Variants in RNH1 observed in about 807,000 individuals in gnomAD.
RNH1 encodes the protein ribonuclease/angiogenin inhibitor 1, also known as ribonuclease inhibitor.
In RNH1, 38 loss-of-function variants were observed where a neutral mutation model predicts 46.1. The ratio of observed to expected loss-of-function variants is 0.82; its 90% confidence interval spans 0.64 to 1.08. RNH1 has a LOEUF of 1.08. Among genes scored for constraint, RNH1 ranks in the 50% least tolerant of loss-of-function variants. RNH1 has a pLI of 0.00. For synonymous variants in RNH1, 319 were observed against 279.1 expected, an observed-to-expected ratio of 1.14 and a Z score of -1.43; for missense variants, 577 against 590.7, an observed-to-expected ratio of 0.98 and a Z score of 0.24.
chr11:500,897 G>A, intron 3 of RNH1: 4 of 606,034 alleles, frequency 6.6e-6, no homozygotes, highest in Non-Finnish European at 6.1e-6. Context: ...GGGAGGCCGA[G>A]GCAGGCAGAT....
chr11:495,989 TAAAAC>T (rs968420264), intron 9 of RNH1, among the ~76,000 whole-genome samples: 9 of 151,274 alleles, frequency 5.9e-5, no homozygotes, highest in African/African-American at 1.7e-4. Flanking sequence ...CTCCCAAAAA[TAAAAC>T]AAAACATCGA....
intron 1 of RNH1, chr11:505,209 T>C (rs2133931828): frequency 6.6e-6 from 1 of 152,318 alleles, no homozygotes; most frequent in Middle Eastern, 3.4e-3. Flanking sequence ...CGATTCAGAA[T>C]AAATCCCTTC....
Position 494,671 on chromosome 11 carries a change from GAGC to G in RNH1, c.*17_*19del. ...TGCCTCGAGGCCGGTCGTCCAGGGA[GAGC>G]AGCAGCAGGAAGAGCCTCAGGAGAT... is the stretch of plus-strand genomic sequence containing the variant. On this transcript the variant is annotated 3_prime_UTR_variant, in exon 11 of 11. Transcript: ENST00000354420. The G allele has an allele frequency of 6.2e-7, 1 of 1,611,794 alleles. No individual in the cohort carries two copies. The highest frequency in any genetic ancestry group is 8.5e-7 in the Non-Finnish European group (1 of 1,178,474).
Position 501,749 on chromosome 11 carries a change from G to C in RNH1, c.101+313C>G. ...ATGGAGGCTCACGGAGGGGACCCAA[G>C]CTGTGTCCTGCCCTCGTGTCTCCAA... On this transcript the variant is annotated intron_variant, in intron 3 of 10. Coordinates refer to ENST00000354420, the MANE Select transcript of RNH1 (RefSeq NM_203387.3). This position sits in a 1 kb window ranked among gnomAD's most constrained non-coding sequence, Gnocchi z 4.1. The C allele has an allele frequency of 2.6e-6, 1 of 384,548 alleles. No homozygotes were observed. Among genetic ancestry groups the C allele is most frequent in the Non-Finnish European group, 4.8e-6 (1 of 206,824 alleles). The allele number at this position is 384,548 out of a possible 1,614,324, so 23.8% of individuals were successfully genotyped here. A position where few individuals can be genotyped will look rare whatever the true frequency, so the allele number is the denominator to read the frequency against.
intron 9 of RNH1, among the ~76,000 whole-genome samples, chr11:497,178 C>A (rs1356148828): frequency 6.8e-6 from 1 of 147,736 alleles, no homozygotes; most frequent in African/African-American, 2.5e-5. Flanking sequence ...TGTGCTCACA[C>A]ACGGACACTC....
rs1848870762 is a variant in RNH1 at position 494,633 on chromosome 11, T to C, written c.*58A>G. 6.8e-7 allele frequency: 1 copy of C among 1,478,658 alleles called. No individual in the cohort carries two copies. Among genetic ancestry groups the C allele is most frequent in the African/African-American group, 1.4e-5 (1 of 72,014 alleles). The allele number at this position is 1,478,658 out of a possible 1,614,324, so 91.6% of individuals were successfully genotyped here. ...AGGGTGAGAGCATGGCAGGGGCTGG[T>C]GGGCCCCAGGGTTGCCTCGAGGCCG... On this transcript the variant is annotated 3_prime_UTR_variant, in exon 11 of 11. Transcript: ENST00000354420.
In RNH1 at chr11:499,122, C is replaced by T; in HGVS notation, c.507G>A (p.Lys169=). ...TAACCGTGAGCTCCTTGAAGTCCGG[C>T]TTGGCCCTGAGCACGGAGGCCAGGG... ...CEPLASVLRA[K]PDFKELTVSN... Residue 169 remains lysine (K), a synonymous_variant, in exon 6 of 11, where the codon AAG becomes AAA. Transcript: ENST00000354420. The T allele has an allele frequency of 1.9e-6, 3 of 1,613,448 alleles. No homozygotes were observed. The highest frequency in any genetic ancestry group is 2.5e-6 in the Non-Finnish European group (3 of 1,179,958).
In RNH1 at chr11:501,871, G is replaced by A; in HGVS notation, c.101+191C>T. On this transcript the variant is annotated intron_variant, in intron 3 of 10. Coordinates refer to ENST00000354420, the MANE Select transcript of RNH1 (RefSeq NM_203387.3). This position sits in a 1 kb window ranked among gnomAD's most constrained non-coding sequence, Gnocchi z 4.1. ...CCTCAGCCCATGCTGCATGAGCCTG[G>A]AATGGGTTTTACATTCCTAAATTGT... The A allele has an allele frequency of 1.7e-6, 1 of 597,676 alleles. No homozygotes were observed. Among genetic ancestry groups the A allele is most frequent in the Non-Finnish European group, 3.0e-6 (1 of 333,868 alleles). The allele number at this position is 597,676 out of a possible 1,614,324, so 37.0% of individuals were successfully genotyped here. A position where few individuals can be genotyped will look rare whatever the true frequency, so the allele number is the denominator to read the frequency against.
rs1178585392 is a variant in RNH1, at chr11:502,141, G to C, written c.22C>G (p.Leu8Val). The change falls in exon 3 of 11, where the codon CTG becomes GTG. Residue 8 changes from leucine (L) to valine (V), a missense_variant. Coordinates refer to ENST00000354420, the MANE Select transcript of RNH1 (RefSeq NM_203387.3). The surrounding 1 kb of genome is among the most constrained non-coding windows in gnomAD (Gnocchi z 5.8). ...CTCAGCTCCTCACACTGGATGTCCA[G>C]GCTCTGGATGTCCAGGCTCATGGTG... MSLDIQS[L>V]DIQCEELSDA... 1 of 1,251,580 alleles carries C rather than the reference G, an allele frequency of 8.0e-7. No individual in the cohort carries two copies. The highest frequency in any genetic ancestry group is 1.1e-6 in the Non-Finnish European group (1 of 884,248). 77.5% of individuals were successfully genotyped at this position (1,251,580 alleles called of 1,614,324 possible).
chr11:505,546 T>A (rs918138167), intron 1 of RNH1: 1 of 152,148 alleles, frequency 6.6e-6, no homozygotes, highest in Non-Finnish European at 1.5e-5. Flanking sequence ...GATTTTAACC[T>A]CCTAAAACTC....
In RNH1 at chr11:504,896, G is replaced by C. The variant is rs1329095000; in HGVS notation, c.-160C>G. ...GACGATGATTTGTTGTAGCTGAGGC[G>C]AACGGGGCGAGGCTGTGAGGACGGG... On this transcript the variant is annotated 5_prime_UTR_variant, in exon 2 of 11. Coordinates refer to ENST00000354420, the MANE Select transcript of RNH1 (RefSeq NM_203387.3). 1 of 152,236 alleles carries C rather than the reference G, an allele frequency of 6.6e-6. No homozygotes were observed. Among genetic ancestry groups the C allele is most frequent in the Non-Finnish European group, 1.5e-5 (1 of 68,042 alleles). 9.4% of individuals were successfully genotyped at this position (152,236 alleles called of 1,614,324 possible).
At position 494,556 on chromosome 11, in the gene RNH1, T is replaced by C. The variant is rs370693201; in HGVS notation, c.*135A>G. 5 of 784,262 alleles carry C rather than the reference T, an allele frequency of 6.4e-6. No homozygotes were observed. The South Asian group carries it at 7.6e-5, about 12-fold the overall frequency. The allele number at this position is 784,262 out of a possible 1,614,324, so 48.6% of individuals were successfully genotyped here. On this transcript the variant is annotated 3_prime_UTR_variant, in exon 11 of 11. Coordinates refer to ENST00000354420, the MANE Select transcript of RNH1 (RefSeq NM_203387.3). ...TAATGATTATAAAGTGTCCAAAATA[T>C]ACTGGCAGAAATAAGCGGATCTGAG...
chr11:502,381 AC>A lies in RNH1; in HGVS notation c.-87-133del. On this transcript the variant is annotated intron_variant, in intron 2 of 10. Coordinates refer to ENST00000354420, the MANE Select transcript of RNH1 (RefSeq NM_203387.3). The surrounding 1 kb of genome is among the most constrained non-coding windows in gnomAD (Gnocchi z 5.8). ...ATCAGGGGTGGGGCAGGGGGCAGGG[AC>A]CAGCACCCACCCCCAGAAAGGCCAC... The A allele has an allele frequency of 1.7e-6, 1 of 585,734 alleles. No individual in the cohort carries two copies. The highest frequency in any genetic ancestry group is 3.1e-6 in the Non-Finnish European group (1 of 327,096). The allele number at this position is 585,734 out of a possible 1,614,324, so 36.3% of individuals were successfully genotyped here.
chr11:498,725 C>A, intron 7 of RNH1, 38 bp downstream of exon 7: 1 of 1,589,744 alleles, frequency 6.3e-7, no homozygotes, highest in Non-Finnish European at 8.5e-7. Context: ...GCCCGCCGCC[C>A]GACCCTCCGG....
At chr11:499,263 C>A in intron 5 of RNH1, 78 bp from the exon 6 acceptor site, 1 of 1,506,300 alleles carries the variant, frequency 6.6e-7, no homozygotes, top group East Asian at 2.3e-5. Context: ...ACGGGGTGTG[C>A]TGGTGTCTCA....
chr11:497,312 C>T (rs910961147), intron 9 of RNH1, among the ~76,000 whole-genome samples: 44 of 150,716 alleles, frequency 2.9e-4, no homozygotes, highest in African/African-American at 9.1e-4. Context: ...CATGTGCTCA[C>T]ACACGGACCC....
chr11:498,657 C>T (rs763045342), intron 7 of RNH1, 30 bp from the exon 8 acceptor site: 7 of 1,609,298 alleles, frequency 4.3e-6, no homozygotes, highest in Non-Finnish European at 5.1e-6. Context: ...ACAGACTTTC[C>T]TCAGCACCGT....
chr11:494,589 C>T lies in RNH1; in HGVS notation c.*102G>A, dbSNP rs556808810. 2.0e-5 allele frequency: 20 copies of T among 1,009,878 alleles called. No individual in the cohort carries two copies. Among genetic ancestry groups the T allele is most frequent in the Admixed American group, 1.7e-4 (8 of 47,058 alleles). 62.6% of individuals were successfully genotyped at this position (1,009,878 alleles called of 1,614,324 possible). A position where few individuals can be genotyped will look rare whatever the true frequency, so the allele number is the denominator to read the frequency against. On this transcript the variant is annotated 3_prime_UTR_variant, in exon 11 of 11. Coordinates refer to ENST00000354420, the MANE Select transcript of RNH1 (RefSeq NM_203387.3). ...GAAATAAGCGGATCTGAGCGTTTCT[C>T]TTCAAACCTAGGATATGCAGGGTGA...
In RNH1 at chr11:501,241, G is replaced by T; in HGVS notation, c.102-587C>A. 5.0e-6 allele frequency: 1 copy of T among 198,442 alleles called. No homozygotes were observed. Among genetic ancestry groups the T allele is most frequent in the South Asian group, 7.9e-5 (1 of 12,672 alleles). The allele number at this position is 198,442 out of a possible 1,614,324, so 12.3% of individuals were successfully genotyped here. A position where few individuals can be genotyped will look rare whatever the true frequency, so the allele number is the denominator to read the frequency against. The stretch of plus-strand genomic sequence containing the variant: ...GCCTGTGACAGGACGCTCCTGGCAG[G>T]CCCCACGGCATCTCCCTGCATTCCT... On this transcript the variant is annotated intron_variant, in intron 3 of 10. Transcript: ENST00000354420. This position sits in a 1 kb window ranked among gnomAD's most constrained non-coding sequence, Gnocchi z 4.1.
Sources: allele counts gnomAD v4.1 joint callset (sites outside exome capture counted in the v4.1 genomes callset), GRCh38; gene constraint gnomAD v4.1.1; non-coding constraint Gnocchi (gnomAD v3.1); transcripts MANE v1.5; gene names NCBI Gene and HGNC (gene_info 2026-07-23, HGNC 2026-07-21).